Variants in CNTN5 observed in about 807,000 individuals in gnomAD.
The protein encoded by CNTN5 is contactin 5.
In CNTN5, 77 loss-of-function variants were observed where a neutral mutation model predicts 129.1. The ratio of observed to expected loss-of-function variants is 0.60; its 90% CI spans 0.50 to 0.72. The LOEUF is 0.72. Ranked by LOEUF, CNTN5 falls within the 30% of genes least tolerant of loss-of-function variation. CNTN5 has a pLI of 0.00. For synonymous variants in CNTN5, 509 were observed against 465.6 expected (o/e 1.09, Z -1.20); for missense variants, 1,478 against 1,328.8 (o/e 1.11, Z -1.75).
chr11:99,291,480 C>T (rs200209889), intron 1 of CNTN5, among the ~76,000 whole-genome samples: 5 of 151,882 alleles, frequency 3.3e-5, no homozygotes, highest in East Asian at 1.9e-4. Flanking sequence ...AGTTATTTTA[C>T]GTTTTAGTTA....
At chr11:100,063,800 T>C (rs1022669923) in intron 10 of CNTN5, among the ~76,000 whole-genome samples, 2 of 151,284 alleles carry the variant, frequency 1.3e-5, no homozygotes, top group African/African-American at 4.9e-5. Context: ...GGTGGGAGAA[T>C]CACCTGAACC....
At chr11:99,255,667 T>G (rs1862340707) in intron 1 of CNTN5, among the ~76,000 whole-genome samples, 1 of 151,570 alleles carries the variant, frequency 6.6e-6, no homozygotes, top group Non-Finnish European at 1.5e-5. Context: ...AGTTTCTAAT[T>G]TGAAAGCTTC....
intron 1 of CNTN5, among the ~76,000 whole-genome samples, chr11:99,183,216 C>T (rs537066079): frequency 1.1e-4 from 16 of 152,280 alleles, no homozygotes; most frequent in African/African-American, 3.4e-4. Context: ...AACATTTTCT[C>T]ATCTTCCTGC....
rs146871033 is a variant in CNTN5 at position 99,945,020 on chromosome 11, C to T, written c.674-11786C>T. On this transcript the variant is annotated intron_variant, in intron 7 of 24. Coordinates refer to ENST00000524871, the MANE Select transcript of CNTN5 (RefSeq NM_014361.4). ...ATGAAAGACACATGGATTTGAGAAT[C>T]GCCCAATGTAAAATGAAGCATTGAT... is the stretch of plus-strand genomic sequence containing the variant. Among the ~76,000 whole-genome samples the T allele has an allele frequency of 2.9e-4, 44 of 152,104 alleles. No homozygotes were observed. In the East Asian group the frequency reaches 5.0e-3, roughly 17 times the overall value.
chr11:99,380,436 A>C (rs1384319496), intron 2 of CNTN5, among the ~76,000 whole-genome samples: 1 of 152,164 alleles, frequency 6.6e-6, no homozygotes, highest in Non-Finnish European at 1.5e-5. Context: ...TGTTTCTACT[A>C]TTAACTTAAA....
At chr11:100,290,075 A>G (rs1265016147) in intron 18 of CNTN5, among the ~76,000 whole-genome samples, 2 of 150,744 alleles carry the variant, frequency 1.3e-5, no homozygotes, top group Non-Finnish European at 3.0e-5. Flanking sequence ...CTTCAAGGAG[A>G]ACTACAAACC....
At position 99,303,514 on chromosome 11, in the gene CNTN5, T is replaced by C. The variant is rs1864735917; in HGVS notation, c.-209-21832T>C. ...TATCTAGCTTGTGACCTACCAAAGA[T>C]AGGAAATGGCACACGAGATTAAAAC... On this transcript the variant is annotated intron_variant, in intron 1 of 24. Coordinates refer to ENST00000524871, the MANE Select transcript of CNTN5 (RefSeq NM_014361.4). 6.7e-5 allele frequency among the ~76,000 whole-genome samples: 10 copies of C among 149,054 alleles called. No individual in the cohort carries two copies. The South Asian group carries it at 2.2e-3, about 32-fold the overall frequency.
chr11:99,965,090 G>T (rs555662464), intron 8 of CNTN5, among the ~76,000 whole-genome samples: 21 of 152,120 alleles, frequency 1.4e-4, no homozygotes, highest in East Asian at 7.7e-4. Context: ...TATTAATTTT[G>T]TTGATCTTTT....
intron 6 of CNTN5, among the ~76,000 whole-genome samples, chr11:99,908,296 G>A (rs543137724): frequency 3.3e-5 from 5 of 152,060 alleles, no homozygotes; most frequent in East Asian, 3.9e-4. Flanking sequence ...GTAGTTAAGC[G>A]TGAAAGCTTG....
chr11:99,968,656 C>CTTTTTTTT (rs71050037), intron 8 of CNTN5, among the ~76,000 whole-genome samples: 24 of 73,870 alleles, frequency 3.2e-4, no homozygotes, highest in South Asian at 6.2e-4. Flanking sequence ...GCTTTGGGTA[C>CTTTTTTTT]TTTTTTTTTT....
chr11:99,032,202 T>C (rs1863425052), intron 1 of CNTN5, among the ~76,000 whole-genome samples: 1 of 152,056 alleles, frequency 6.6e-6, no homozygotes, highest in African/African-American at 2.4e-5. Flanking sequence ...CTCTTTGCTA[T>C]TGTGAATAAT....
chr11:99,558,572 C>T (rs1292852225), intron 3 of CNTN5, among the ~76,000 whole-genome samples: 1 of 151,856 alleles, frequency 6.6e-6, no homozygotes, highest in African/African-American at 2.4e-5. Flanking sequence ...ATTGTTTCCT[C>T]AAATAAACAG....
At chr11:99,609,803 T>C (rs192961542) in intron 3 of CNTN5, among the ~76,000 whole-genome samples, 27 of 152,254 alleles carry the variant, frequency 1.8e-4, no homozygotes, top group South Asian at 1.7e-3. Flanking sequence ...ACAATATTAG[T>C]GCTCTGGCTC....
At chr11:100,095,472 A>G (rs1944975582) in intron 13 of CNTN5, among the ~76,000 whole-genome samples, 2 of 152,114 alleles carry the variant, frequency 1.3e-5, no homozygotes, top group African/African-American at 4.8e-5. Flanking sequence ...GTATATGACC[A>G]CAGGCAACAC....
chr11:99,517,383 T>C (rs1947097485), intron 2 of CNTN5, among the ~76,000 whole-genome samples: 1 of 152,082 alleles, frequency 6.6e-6, no homozygotes, highest in Non-Finnish European at 1.5e-5. Flanking sequence ...GCAAAACTAA[T>C]CACATGACTC....
intron 13 of CNTN5, among the ~76,000 whole-genome samples, chr11:100,171,417 A>G (rs1947822041): frequency 6.6e-6 from 1 of 152,132 alleles, no homozygotes; most frequent in African/African-American, 2.4e-5. Flanking sequence ...TTCAAGAAAT[A>G]ATGAAGGTTA....
chr11:99,759,648 G>C (rs1944514339), intron 3 of CNTN5, among the ~76,000 whole-genome samples: 1 of 148,114 alleles, frequency 6.8e-6, no homozygotes, highest in African/African-American at 2.5e-5. Flanking sequence ...GAATGCTAGG[G>C]AGGGTGTTTG....
intron 13 of CNTN5, among the ~76,000 whole-genome samples, chr11:100,131,487 A>G (rs890266893): frequency 6.6e-6 from 1 of 152,006 alleles, no homozygotes; most frequent in African/African-American, 2.4e-5. Flanking sequence ...GGTATTTGTG[A>G]GTTATCCAAA....
intron 2 of CNTN5, among the ~76,000 whole-genome samples, chr11:99,449,471 T>A (rs986532330): frequency 1.3e-5 from 2 of 152,238 alleles, no homozygotes; most frequent in Non-Finnish European, 2.9e-5. Context: ...CTTTCTAATA[T>A]GAACAAATAA....
Sources: allele counts gnomAD v4.1 joint callset (sites outside exome capture counted in the v4.1 genomes callset), GRCh38; gene constraint gnomAD v4.1.1; transcripts MANE v1.5; gene names NCBI Gene and HGNC (gene_info 2026-07-23, HGNC 2026-07-21).